The following ZCWPW2 variants were observed in gnomAD, a reference collection of about 807,000 sequenced individuals.
ZCWPW2 encodes the protein zinc finger CW-type PWWP domain protein 2.
A neutral mutation model predicts 46.6 loss-of-function variants in ZCWPW2; 45 were observed. The ratio of observed to expected loss-of-function variants is 0.96; its 90% CI spans 0.76 to 1.24. ZCWPW2 has a LOEUF of 1.24. ZCWPW2 is among the 50% of genes most tolerant of loss of function. The pLI is 0.00. For missense variants in ZCWPW2, 429 were observed against 403.9 expected (o/e 1.06, Z -0.53); for synonymous variants, 152 against 137.1 (o/e 1.11, Z -0.76).
chr3:28,498,648 T>C (rs2125822476), intron 6 of ZCWPW2, among the ~76,000 whole-genome samples: 1 of 150,834 alleles, frequency 6.6e-6, no homozygotes, highest in East Asian at 1.9e-4. Context: ...GGATTAGCTA[T>C]GCCTTTTTTT....
At position 28,445,859 on chromosome 3, in the gene ZCWPW2, A is replaced by G. The variant is rs368383009; in HGVS notation, c.492+10590A>G. The stretch of plus-strand genomic sequence containing the variant: ...GAATGAGAAAAGATGTTCCGTGCAA[A>G]TAGTAACCAAAAGAGAACAGGGGTT... On this transcript the variant is annotated intron_variant, in intron 4 of 9. Transcript: ENST00000383768. Among the ~76,000 whole-genome samples the G allele has an allele frequency of 3.7e-4, 57 of 152,294 alleles. No homozygotes were observed. The South Asian group carries it at 0.012, about 31-fold the overall frequency.
chr3:28,408,475 A>G lies in ZCWPW2; in HGVS notation c.-13-4581A>G, dbSNP rs112519640. Among the ~76,000 whole-genome samples the G allele has an allele frequency of 4.7e-3, 714 of 152,270 alleles. 4 individuals are homozygous for G. The highest frequency in any genetic ancestry group is 0.016 in the African/African-American group (683 of 41,564). On this transcript the variant is annotated intron_variant, in intron 2 of 9. Transcript: ENST00000383768. ...TTTCTTTTTAGAAATTTTCTAAAGTAACTTTATTTTGTGAGGAATAGTTTA... is the reference window on the plus strand; with the variant it reads ...TTTCTTTTTAGAAATTTTCTAAAGTGACTTTATTTTGTGAGGAATAGTTTA...
chr3:28,356,251 A>T (rs1704725859), intron 1 of ZCWPW2, among the ~76,000 whole-genome samples: 2 of 152,258 alleles, frequency 1.3e-5, no homozygotes, highest in Non-Finnish European at 2.9e-5. Flanking sequence ...ACATGGAAAA[A>T]TGCTCATCAT....
chr3:28,408,997 G>A (rs1696280297), intron 2 of ZCWPW2, among the ~76,000 whole-genome samples: 1 of 151,482 alleles, frequency 6.6e-6, no homozygotes, highest in South Asian at 2.1e-4. Flanking sequence ...AAAAGATGAA[G>A]AATTAAATAA....
chr3:28,449,783 A>G (rs1163279771), intron 4 of ZCWPW2, among the ~76,000 whole-genome samples: 3 of 152,130 alleles, frequency 2.0e-5, no homozygotes, highest in Non-Finnish European at 2.9e-5. Context: ...CTGCAGGGCT[A>G]TTTTTTTAAG....
chr3:28,449,171 A>T (rs1387370614), intron 4 of ZCWPW2, among the ~76,000 whole-genome samples: 1 of 152,170 alleles, frequency 6.6e-6, no homozygotes, highest in African/African-American at 2.4e-5. Context: ...TGCTCAGAAA[A>T]ATTGGCTAGT....
intron 9 of ZCWPW2, among the ~76,000 whole-genome samples, chr3:28,523,130 T>C (rs182367955): frequency 7.9e-5 from 12 of 152,288 alleles, no homozygotes; most frequent in African/African-American, 2.6e-4. Context: ...CTTGTTGTTT[T>C]AGATTGTTGT....
intron 1 of ZCWPW2, among the ~76,000 whole-genome samples, chr3:28,387,805 AG>A (rs1695330894): frequency 2.0e-5 from 3 of 152,236 alleles, no homozygotes; most frequent in Non-Finnish European, 4.4e-5. Context: ...ATGTAATTTT[AG>A]AATCTAACCA....
chr3:28,516,961 A>G (rs542401447), intron 8 of ZCWPW2, among the ~76,000 whole-genome samples: 1 of 152,206 alleles, frequency 6.6e-6, no homozygotes, highest in Non-Finnish European at 1.5e-5. Flanking sequence ...GCAGTGATCT[A>G]TGATCACGCC....
chr3:28,420,918 G>T lies in ZCWPW2; in HGVS notation c.332+7518G>T, dbSNP rs141510970. ...TGATTCTTTTCTCTGTTATATTCAT[G>T]CTGTATTGAAAGTATCCATTCAGCT... On this transcript the variant is annotated intron_variant, in intron 3 of 9. Transcript: ENST00000383768. Among the ~76,000 whole-genome samples the T allele has an allele frequency of 2.5e-3, 385 of 152,008 alleles. 1 individual carries two copies. Among genetic ancestry groups the T allele is most frequent in the African/African-American group, 8.4e-3 (349 of 41,442 alleles).
At chr3:28,488,384 T>C (rs1699680322) in intron 5 of ZCWPW2, among the ~76,000 whole-genome samples, 8 of 152,158 alleles carry the variant, frequency 5.3e-5, no homozygotes, top group Admixed American at 4.6e-4. Flanking sequence ...CCTTTGTACA[T>C]GTTGTTGGAC....
At chr3:28,518,661 T>G (rs1314890762) in intron 8 of ZCWPW2, among the ~76,000 whole-genome samples, 1 of 152,214 alleles carries the variant, frequency 6.6e-6, no homozygotes, top group Non-Finnish European at 1.5e-5. Context: ...GCAATGATAT[T>G]TATTATCATA....
At chr3:28,392,263 T>C (rs1280775529) in intron 2 of ZCWPW2, among the ~76,000 whole-genome samples, 2 of 152,164 alleles carry the variant, frequency 1.3e-5, no homozygotes, top group African/African-American at 4.8e-5. Context: ...ATCAAGAAGA[T>C]ATAACATCCA....
chr3:28,388,052 A>G (rs1471270921), intron 1 of ZCWPW2, among the ~76,000 whole-genome samples: 2 of 152,152 alleles, frequency 1.3e-5, no homozygotes, highest in Non-Finnish European at 2.9e-5. Flanking sequence ...CTGGAGACAG[A>G]AAAGAGTGGC....
chr3:28,476,181 A>G (rs1343601923), intron 4 of ZCWPW2, among the ~76,000 whole-genome samples: 1 of 151,678 alleles, frequency 6.6e-6, no homozygotes, highest in East Asian at 1.9e-4. Flanking sequence ...AGAAACTAGT[A>G]ATAGTAATTT....
chr3:28,380,175 G>C (rs921148441), intron 1 of ZCWPW2, among the ~76,000 whole-genome samples: 2 of 151,792 alleles, frequency 1.3e-5, no homozygotes, highest in African/African-American at 4.8e-5. Context: ...TAGTAGACAC[G>C]GGGTTTCACC....
At chr3:28,367,893 T>G (rs555762587) in intron 1 of ZCWPW2, among the ~76,000 whole-genome samples, 2 of 152,332 alleles carry the variant, frequency 1.3e-5, no homozygotes, top group South Asian at 4.1e-4. Flanking sequence ...CCTTTTACCA[T>G]TATGTAATGG....
intron 4 of ZCWPW2, among the ~76,000 whole-genome samples, chr3:28,446,408 C>G (rs962758558): frequency 6.6e-6 from 1 of 151,718 alleles, no homozygotes; most frequent in Non-Finnish European, 1.5e-5. Context: ...CCAAGACAAC[C>G]AATGAATCAA....
At position 28,473,677 on chromosome 3, in the gene ZCWPW2, C is replaced by T. The variant is rs138888828; in HGVS notation, c.493-5137C>T. On this transcript the variant is annotated intron_variant, in intron 4 of 9. Transcript: ENST00000383768. ...TGGTTAAACAAAATGTGGAACACACCGTGGAATACTATTCAGCTATGAAGA... is the reference window on the plus strand; with the variant it reads ...TGGTTAAACAAAATGTGGAACACACTGTGGAATACTATTCAGCTATGAAGA... Among the ~76,000 whole-genome samples, 252 of 152,154 alleles carry T rather than the reference C, an allele frequency of 1.7e-3. 3 individuals are homozygous for T. The highest frequency in any genetic ancestry group is 5.6e-3 in the African/African-American group (232 of 41,504).
Sources: allele counts gnomAD v4.1 joint callset (sites outside exome capture counted in the v4.1 genomes callset), GRCh38; gene constraint gnomAD v4.1.1; transcripts MANE v1.5; gene names NCBI Gene and HGNC (gene_info 2026-07-23, HGNC 2026-07-21).